FHDC1: variants seen among roughly 807,000 people sequenced by gnomAD.
FHDC1 encodes the protein FH2 domain-containing protein 1.
Under a neutral mutation model 52.6 loss-of-function variants are expected in FHDC1, and 25 were observed. The observed-to-expected ratio is 0.48, with a 90% CI of 0.35 to 0.66. The LOEUF (loss-of-function observed/expected upper bound fraction) is 0.66. Ranked by LOEUF, FHDC1 falls within the 30% of genes least tolerant of loss-of-function variation. The probability of loss-of-function intolerance (pLI) is 0.01; values close to 1 mark genes in which losing one functional copy is unlikely to be tolerated. For missense variants in FHDC1, 1,459 were observed against 1,452.8 expected (o/e 1.00, Z -0.07); for synonymous variants, 616 against 581.5 (o/e 1.06, Z -0.85).
Position 152,972,410 on chromosome 4 carries a change from T to C in FHDC1, c.1252T>C (p.Trp418Arg). ...AIEKLRELEC[W>R]KQELQDEAYT... is the part of the protein sequence containing the mutation. ...AGAAAAGCTGAGGGAACTGGAATGC[T>C]GGAAACAAGAGCTCCAGGATGAGGC... is the stretch of plus-strand genomic sequence containing the variant. Residue 418 changes from tryptophan to arginine, a missense_variant, in exon 11 of 12, where the codon TGG becomes CGG. Around this residue, in one of 3 missense-constraint regions of FHDC1, gnomAD observed 513 missense variants for 581.5 expected, o/e 0.88. Coordinates refer to ENST00000511601, the MANE Select transcript of FHDC1 (RefSeq NM_001371116.1). 6.2e-7 allele frequency: 1 copy of C among 1,605,520 alleles called. No individual in the cohort carries two copies. Among genetic ancestry groups the C allele is most frequent in the Non-Finnish European group, 8.5e-7 (1 of 1,178,072 alleles).
Position 152,975,022 on chromosome 4 carries a change from G to T in FHDC1, c.1731G>T (p.Arg577=). ...ACAGCCTGCCCCGGAGCAGCCCCCG[G>T]CAGGCCCGGCCCACGATAGCCTGCC... ...KFHSLPRSSP[R]QARPTIACLE... Residue 577 remains arginine, a synonymous_variant, in exon 12 of 12, where the codon CGG becomes CGT. Coordinates refer to ENST00000511601, the MANE Select transcript of FHDC1 (RefSeq NM_001371116.1). 1 of 1,612,654 alleles carries T rather than the reference G, an allele frequency of 6.2e-7. No individual in the cohort carries two copies. The highest frequency in any genetic ancestry group is 2.2e-5 in the East Asian group (1 of 44,870).
chr4:152,930,995 ACACTCT>A, the FHDC1 span, among the ~76,000 whole-genome samples: 1,879 of 139,386 alleles, frequency 0.013, 15 homozygotes, highest in East Asian at 0.07. Flanking sequence ...ACACACACAC[ACACTCT>A]CTCTCTCTCT....
At position 152,978,814 on chromosome 4, in the gene FHDC1, T is replaced by C. The variant is rs1372790665; in HGVS notation, c.*2091T>C. ...GACTGTTGCCTGTCATCTAAGCGAATTGGAAATGCTGAGCTTCCATAAGTC... is the reference window on the plus strand; with the variant it reads ...GACTGTTGCCTGTCATCTAAGCGAACTGGAAATGCTGAGCTTCCATAAGTC... On this transcript the variant is annotated 3_prime_UTR_variant, in exon 12 of 12. Transcript: ENST00000511601. The C allele has an allele frequency of 2.0e-5, 3 of 152,194 alleles. No homozygotes were observed. The highest frequency in any genetic ancestry group is 4.4e-5 in the Non-Finnish European group (3 of 68,036). 9.4% of individuals were successfully genotyped at this position (152,194 alleles called of 1,614,324 possible).
At chr4:152,956,538 G>A (rs929920447) in intron 4 of FHDC1, among the ~76,000 whole-genome samples, 14 of 152,100 alleles carry the variant, frequency 9.2e-5, no homozygotes, top group Admixed American at 2.6e-4. Flanking sequence ...TGTATTTTTG[G>A]GTTGTGTGGG....
In FHDC1 at chr4:152,976,250, A is replaced by G. The variant is rs1403612881; in HGVS notation, c.2959A>G (p.Lys987Glu). ...PRGSFKKPSA[K>E]PLRNLPRQKP... ...GGGTTCTTTCAAGAAGCCCAGTGCC[A>G]AACCACTCAGGAACCTCCCCAGACA... is the stretch of plus-strand genomic sequence containing the variant. Residue 987 changes from lysine to glutamate, a missense_variant, in exon 12 of 12, where the codon AAA becomes GAA. Coordinates refer to ENST00000511601, the MANE Select transcript of FHDC1 (RefSeq NM_001371116.1). 1 of 1,613,324 alleles carries G rather than the reference A, an allele frequency of 6.2e-7. No individual in the cohort carries two copies. Among genetic ancestry groups the G allele is most frequent in the Admixed American group, 1.7e-5 (1 of 60,026 alleles).
chr4:152,912,220 A>G, the FHDC1 span: 2 of 152,170 alleles, frequency 1.3e-5, no homozygotes, highest in African/African-American at 4.8e-5. Flanking sequence ...AAAGTAAATC[A>G]ATATATTTAG....
At chr4:152,927,587 G>T in the FHDC1 span, 1 of 1,603,928 alleles carries the variant, frequency 6.2e-7, no homozygotes, top group South Asian at 1.1e-5. Context: ...TCCAGAGGAG[G>T]TTTATGACCC....
At chr4:152,931,141 TAA>T in the FHDC1 span, among the ~76,000 whole-genome samples, 1 of 152,168 alleles carries the variant, frequency 6.6e-6, no homozygotes, top group Non-Finnish European at 1.5e-5. Context: ...GAAAACAGTT[TAA>T]ACCCATAGCA....
chr4:152,922,625 T>C, the FHDC1 span, among the ~76,000 whole-genome samples: 1 of 152,058 alleles, frequency 6.6e-6, no homozygotes, highest in African/African-American at 2.4e-5. Flanking sequence ...ACTGGCAAAC[T>C]GAATCCAGCA....
At chr4:152,913,856 T>G in the FHDC1 span, among the ~76,000 whole-genome samples, 2 of 151,424 alleles carry the variant, frequency 1.3e-5, no homozygotes, top group South Asian at 4.2e-4. Context: ...TATTTTATAT[T>G]TTTAGTTAGA....
At chr4:152,924,436 G>C in the FHDC1 span, among the ~76,000 whole-genome samples, 2 of 152,190 alleles carry the variant, frequency 1.3e-5, no homozygotes, top group Non-Finnish European at 2.9e-5. Flanking sequence ...TTCAACCCTT[G>C]TGGAAGTCAG....
chr4:152,957,203 C>T (rs1272625634), intron 4 of FHDC1, among the ~76,000 whole-genome samples: 4 of 152,146 alleles, frequency 2.6e-5, no homozygotes, highest in South Asian at 4.1e-4. Context: ...CTATGTGTAA[C>T]GCTCTGTGCT....
rs1427461676 is a variant in FHDC1 at position 152,943,025 on chromosome 4, C to G, written c.-33C>G. The G allele has an allele frequency of 1.9e-6, 3 of 1,566,524 alleles. No homozygotes were observed. Among genetic ancestry groups the G allele is most frequent in the Non-Finnish European group, 8.7e-7 (1 of 1,152,994 alleles). On this transcript the variant is annotated 5_prime_UTR_variant, in exon 2 of 12. Transcript: ENST00000511601. ...ATGTTTGTGTCTTCTTCTCCAAGGC[C>G]AAGAAATTATCTCCATAGGAGGCAA...
chr4:152,958,676 T>C (rs1026530358), intron 4 of FHDC1, among the ~76,000 whole-genome samples: 3 of 152,238 alleles, frequency 2.0e-5, no homozygotes, highest in Non-Finnish European at 4.4e-5. Context: ...TATGGTCTTA[T>C]ACAACTTCCC....
At chr4:152,932,018 T>C (rs1165332279), upstream of FHDC1, among the ~76,000 whole-genome samples, 3 of 151,578 alleles carry the variant, frequency 2.0e-5, no homozygotes, top group Admixed American at 2.0e-4. Context: ...TTTCTCCCTC[T>C]TAATGATCAG....
chr4:152,949,115 T>TAAGAAGAAGAAGAAGAAG lies in FHDC1; in HGVS notation c.499-4382_499-4381insGAAGAAGAAGAAGAAGAA, dbSNP rs1458622582. Among the ~76,000 whole-genome samples the TAAGAAGAAGAAGAAGAAG allele has an allele frequency of 1.2e-4, 9 of 77,194 alleles. No homozygotes were observed. In the South Asian group the frequency reaches 1.6e-3, roughly 13 times the overall value. 50.6% of individuals were successfully genotyped at this position (77,194 alleles called of 152,430 possible). A position where few individuals can be genotyped will look rare whatever the true frequency, so the allele number is the denominator to read the frequency against. ...GTAATAATAATAATAATAATAATAA[T>TAAGAAGAAGAAGAAGAAG]AATAATAATAAGAAGAAGAAGAAGA... On this transcript the variant is annotated intron_variant, in intron 2 of 11. Transcript: ENST00000511601.
chr4:152,919,762 C>T, the FHDC1 span, among the ~76,000 whole-genome samples: 1 of 152,036 alleles, frequency 6.6e-6, no homozygotes, highest in Non-Finnish European at 1.5e-5. Context: ...GCCAGTCTAA[C>T]TGCTGCCATT....
At chr4:152,936,848 G>C (rs556225749) in intron 1 of FHDC1, among the ~76,000 whole-genome samples, 1 of 152,274 alleles carries the variant, frequency 6.6e-6, no homozygotes, top group Non-Finnish European at 1.5e-5. Flanking sequence ...CGCACGGAAT[G>C]CGCAGCCGCG....
the FHDC1 span, among the ~76,000 whole-genome samples, chr4:152,924,451 G>A: frequency 2.0e-5 from 3 of 152,182 alleles, no homozygotes; most frequent in South Asian, 4.1e-4. Context: ...AGTCAGTGTG[G>A]CGATTCCTCA....
Sources: gnomAD v4.1 joint callset for allele counts (sites outside exome capture counted in the v4.1 genomes callset) on GRCh38, gnomAD v4.1.1 for gene constraint, gnomAD v4.1.1 regional missense constraint, MANE v1.5 for transcripts, NCBI Gene and HGNC (gene_info 2026-07-23, HGNC 2026-07-21) for gene names.